ADK: variants seen among roughly 807,000 people sequenced by gnomAD.
ADK encodes the protein N6,N6-dimethyladenosine kinase.
In ADK, 24 loss-of-function variants were observed where a neutral mutation model predicts 44.7. The observed-to-expected ratio is 0.54, with a 90% CI of 0.39 to 0.76. The LOEUF (loss-of-function observed/expected upper bound fraction) is 0.76, where lower values mean the gene tolerates loss of function less well. Among genes scored for constraint, ADK ranks in the 30% least tolerant of loss-of-function variants. The pLI is 0.00. For missense variants in ADK, 321 were observed against 425.1 expected (o/e 0.76, Z 2.15); for synonymous variants, 128 against 142.6 (o/e 0.90, Z 0.73).
At chr10:74,514,612 T>C (rs1445404264) in intron 6 of ADK, among the ~76,000 whole-genome samples, 1 of 152,182 alleles carries the variant, frequency 6.6e-6, no homozygotes, top group East Asian at 1.9e-4. Flanking sequence ...TTCTTTTTTA[T>C]GATATCTGTC....
At chr10:74,586,806 A>G (rs1851540203) in intron 7 of ADK, among the ~76,000 whole-genome samples, 1 of 151,614 alleles carries the variant, frequency 6.6e-6, no homozygotes, top group South Asian at 2.1e-4. Context: ...ATGAGCTGAG[A>G]TCGCACCACT....
chr10:74,265,166 G>A (rs1355747842), intron 3 of ADK, among the ~76,000 whole-genome samples: 2 of 151,756 alleles, frequency 1.3e-5, no homozygotes, highest in East Asian at 3.9e-4. Flanking sequence ...TCCCAAAATT[G>A]ATTTAGCTGA....
chr10:74,266,547 C>A (rs1447265795), intron 3 of ADK, among the ~76,000 whole-genome samples: 1 of 151,680 alleles, frequency 6.6e-6, no homozygotes, highest in African/African-American at 2.4e-5. Context: ...CAGAGCAGGA[C>A]TCTGCTTCAA....
chr10:74,312,858 G>C (rs1282747934), intron 3 of ADK, among the ~76,000 whole-genome samples: 1 of 118,306 alleles, frequency 8.5e-6, no homozygotes, highest in Non-Finnish European at 1.6e-5. Flanking sequence ...AGGCTGCATT[G>C]AGCTATGTTT....
At chr10:74,520,216 C>A (rs1172195637) in intron 6 of ADK, among the ~76,000 whole-genome samples, 1 of 151,730 alleles carries the variant, frequency 6.6e-6, no homozygotes, top group Non-Finnish European at 1.5e-5. Flanking sequence ...GTAGATGGAC[C>A]CAAATAGATT....
intron 6 of ADK, among the ~76,000 whole-genome samples, chr10:74,514,780 G>C (rs1848495379): frequency 6.6e-6 from 1 of 151,830 alleles, no homozygotes; most frequent in Admixed American, 6.6e-5. Flanking sequence ...TCTGTTACTA[G>C]ATAATTATTG....
chr10:74,179,141 C>A (rs1276581766), intron 1 of ADK, among the ~76,000 whole-genome samples: 1 of 152,250 alleles, frequency 6.6e-6, no homozygotes, highest in African/African-American at 2.4e-5. Flanking sequence ...TTGGGAAGTG[C>A]AGGGAGGCCA....
intron 9 of ADK, among the ~76,000 whole-genome samples, chr10:74,663,879 T>G (rs2134176997): frequency 6.6e-6 from 1 of 152,298 alleles, no homozygotes; most frequent in East Asian, 1.9e-4. Context: ...GCAGGGTGTC[T>G]TTGCTCATAT....
intron 10 of ADK, among the ~76,000 whole-genome samples, chr10:74,680,085 C>T (rs1166684170): frequency 3.3e-5 from 5 of 152,046 alleles, no homozygotes; most frequent in African/African-American, 1.2e-4. Context: ...GAGGCCAAGA[C>T]GGGCAGATCA....
At chr10:74,392,004 T>C (rs1441964331) in intron 4 of ADK, among the ~76,000 whole-genome samples, 3 of 152,184 alleles carry the variant, frequency 2.0e-5, no homozygotes, top group Admixed American at 6.6e-5. Context: ...TTGATGTTCA[T>C]CTATGTTGTA....
chr10:74,392,783 G>A (rs1843380638), intron 4 of ADK, among the ~76,000 whole-genome samples: 1 of 151,906 alleles, frequency 6.6e-6, no homozygotes, highest in Admixed American at 6.6e-5. Context: ...TTTAAACAAA[G>A]CTTTTTACCT....
At chr10:74,497,166 T>C (rs1847721636) in intron 6 of ADK, among the ~76,000 whole-genome samples, 1 of 152,206 alleles carries the variant, frequency 6.6e-6, no homozygotes, top group Admixed American at 6.5e-5. Context: ...TTCTGCTTTG[T>C]CCCAAAAAAT....
At chr10:74,663,087 G>A (rs867585180) in intron 9 of ADK, among the ~76,000 whole-genome samples, 2 of 151,650 alleles carry the variant, frequency 1.3e-5, no homozygotes, top group Non-Finnish European at 2.9e-5. Context: ...AGTACAAAAA[G>A]TTAGCTGGGC....
At chr10:74,555,047 A>G (rs1721017600) in intron 7 of ADK, among the ~76,000 whole-genome samples, 2 of 152,188 alleles carry the variant, frequency 1.3e-5, no homozygotes, top group South Asian at 4.1e-4. Context: ...CTGTAATCCC[A>G]TCACTTTGGG....
chr10:74,696,591 C>T (rs1371812803), intron 10 of ADK, among the ~76,000 whole-genome samples: 7 of 151,394 alleles, frequency 4.6e-5, no homozygotes, highest in Admixed American at 1.3e-4. Flanking sequence ...AGGATGGTCT[C>T]GATCTCCTGA....
In ADK at chr10:74,658,273, T is replaced by C. The variant is rs556088567; in HGVS notation, c.878-11910T>C. 7.2e-5 allele frequency among the ~76,000 whole-genome samples: 11 copies of C among 152,320 alleles called. No homozygotes were observed. The East Asian group carries it at 2.1e-3, about 29-fold the overall frequency. ...ATCATCAGAAAAAAATATTGCCTTT[T>C]CTATAGCTCCTCTTACCTAGGCAGC... On this transcript the variant is annotated intron_variant, in intron 9 of 10. Coordinates refer to ENST00000539909, the MANE Select transcript of ADK (RefSeq NM_006721.4).
chr10:74,251,443 C>T (rs1052976913), intron 3 of ADK, among the ~76,000 whole-genome samples: 5 of 152,026 alleles, frequency 3.3e-5, no homozygotes, highest in African/African-American at 1.2e-4. Context: ...ATTAGTAGTA[C>T]AAAAATTATA....
At chr10:74,634,375 C>T (rs1226411704) in intron 9 of ADK, among the ~76,000 whole-genome samples, 1 of 152,066 alleles carries the variant, frequency 6.6e-6, no homozygotes, top group East Asian at 2.0e-4. Context: ...CCACCATGCC[C>T]AGCTAATTTT....
rs574195710 is a variant in ADK at position 74,342,009 on chromosome 10, A to G, written c.273+27264A>G. Among the ~76,000 whole-genome samples the G allele has an allele frequency of 3.3e-5, 5 of 152,256 alleles. No homozygotes were observed. In the East Asian group the frequency reaches 7.7e-4, roughly 23 times the overall value. Reference sequence around the variant, plus strand: ...ATTGTTCTTTGTTTTCATGCTAAGTAGCATGAAAAAAAAGCTTTATTGAGA... The same window carrying G: ...ATTGTTCTTTGTTTTCATGCTAAGTGGCATGAAAAAAAAGCTTTATTGAGA... On this transcript the variant is annotated intron_variant, in intron 4 of 10. Transcript: ENST00000539909.
Sources: allele counts gnomAD v4.1 joint callset (sites outside exome capture counted in the v4.1 genomes callset), GRCh38; gene constraint gnomAD v4.1.1; transcripts MANE v1.5; gene names NCBI Gene and HGNC (gene_info 2026-07-23, HGNC 2026-07-21).